Variants in PPARGC1A observed in about 807,000 individuals in gnomAD.
PPARGC1A encodes the protein peroxisome proliferator-activated receptor gamma coactivator 1-alpha.
PPARGC1A carries 25 observed loss-of-function variants against 88.7 expected under a neutral mutation model. The ratio of observed to expected loss-of-function variants is 0.28; its 90% CI spans 0.21 to 0.39. The LOEUF (loss-of-function observed/expected upper bound fraction) is 0.39, where lower values mean the gene tolerates loss of function less well. Among genes scored for constraint, PPARGC1A ranks in the 10% least tolerant of loss-of-function variants. PPARGC1A has a pLI of 1.00. For synonymous variants in PPARGC1A, 363 were observed against 355.6 expected (o/e 1.02, Z -0.24); for missense variants, 880 against 968.7 (o/e 0.91, Z 1.22).
upstream of PPARGC1A, among the ~76,000 whole-genome samples, chr4:23,894,639 G>A (rs146052265): frequency 6.6e-5 from 10 of 152,042 alleles, no homozygotes; most frequent in East Asian, 1.9e-4. Context: ...TCTGCAGACC[G>A]GCTCTATGGA....
chr4:24,001,643 T>C, the PPARGC1A span, among the ~76,000 whole-genome samples: 1 of 152,224 alleles, frequency 6.6e-6, no homozygotes, highest in African/African-American at 2.4e-5. Context: ...GATTTTTTTT[T>C]CCTACATCTT....
At chr4:24,237,430 C>T in the PPARGC1A span, among the ~76,000 whole-genome samples, 27 of 152,172 alleles carry the variant, frequency 1.8e-4, no homozygotes, top group Non-Finnish European at 3.4e-4. Flanking sequence ...GCTGTTATCT[C>T]TGCCCAACCA....
the PPARGC1A span, among the ~76,000 whole-genome samples, chr4:24,249,560 C>A: frequency 1.3e-5 from 2 of 152,154 alleles, no homozygotes; most frequent in Admixed American, 1.3e-4. Context: ...TCTCTGTTTA[C>A]AGTCAGAGAA....
the PPARGC1A span, among the ~76,000 whole-genome samples, chr4:24,325,202 C>T: frequency 6.6e-6 from 1 of 152,136 alleles, no homozygotes; most frequent in Admixed American, 6.5e-5. Context: ...AGCCCTAGAC[C>T]CTAAAAGGTC....
At chr4:24,086,580 G>A in the PPARGC1A span, among the ~76,000 whole-genome samples, 4 of 152,170 alleles carry the variant, frequency 2.6e-5, no homozygotes, top group African/African-American at 7.2e-5. Flanking sequence ...GGAGCATTTT[G>A]TGGTTGTCCT....
At chr4:24,104,543 C>G in the PPARGC1A span, among the ~76,000 whole-genome samples, 1 of 152,138 alleles carries the variant, frequency 6.6e-6, no homozygotes, top group Non-Finnish European at 1.5e-5. Flanking sequence ...ATGGACCGTC[C>G]TTGTTAGAGT....
chr4:24,446,591 A>AT, the PPARGC1A span, among the ~76,000 whole-genome samples: 2,623 of 134,868 alleles, frequency 0.019, 84 homozygotes, highest in East Asian at 0.12. Context: ...AAAACACTGA[A>AT]TTTTTTTTTT....
At chr4:24,236,431 T>C in the PPARGC1A span, among the ~76,000 whole-genome samples, 499 of 152,316 alleles carry the variant, frequency 3.3e-3, no homozygotes, top group African/African-American at 0.011. Flanking sequence ...TACCTTAAGA[T>C]GTGCATGGAA....
At chr4:24,163,101 CTTTAT>C in the PPARGC1A span, among the ~76,000 whole-genome samples, 22 of 150,556 alleles carry the variant, frequency 1.5e-4, 1 homozygote, top group African/African-American at 4.7e-4. Context: ...ATACAATAGT[CTTTAT>C]TTATTTCTCA....
chr4:24,354,891 CA>C, the PPARGC1A span, among the ~76,000 whole-genome samples: 1 of 118,810 alleles, frequency 8.4e-6, no homozygotes, highest in East Asian at 2.2e-4. Context: ...TCAAAAAAAA[CA>C]AAAACAAACA....
chr4:24,301,061 C>T, the PPARGC1A span, among the ~76,000 whole-genome samples: 1 of 151,988 alleles, frequency 6.6e-6, no homozygotes, highest in African/African-American at 2.4e-5. Context: ...AAAAAAAATC[C>T]CTAATTTGTT....
intron 12 of PPARGC1A, among the ~76,000 whole-genome samples, chr4:23,796,490 T>C (rs1366782342): frequency 6.6e-6 from 1 of 152,108 alleles, no homozygotes; most frequent in African/African-American, 2.4e-5. Flanking sequence ...TTGAGAGAAA[T>C]GCTTCACATC....
chr4:23,979,082 A>G, the PPARGC1A span, among the ~76,000 whole-genome samples: 1 of 152,334 alleles, frequency 6.6e-6, no homozygotes, highest in African/African-American at 2.4e-5. Flanking sequence ...CATTGCATTC[A>G]AAGGATAATT....
At chr4:23,916,119 A>C in the PPARGC1A span, among the ~76,000 whole-genome samples, 48,231 of 152,180 alleles carry the variant, frequency 0.32, 9,946 homozygotes, top group Non-Finnish European at 0.46. Context: ...AAATGAGTTT[A>C]TGTAAGTAAA....
the PPARGC1A span, among the ~76,000 whole-genome samples, chr4:23,970,644 C>T: frequency 1.4e-4 from 21 of 152,076 alleles, no homozygotes; most frequent in East Asian, 3.9e-4. Context: ...TGGAGTCATG[C>T]GCTATGTTCT....
chr4:24,103,022 T>C, the PPARGC1A span, among the ~76,000 whole-genome samples: 1 of 152,176 alleles, frequency 6.6e-6, no homozygotes, highest in Non-Finnish European at 1.5e-5. Context: ...GAAATTGCCC[T>C]GGCCTCACTG....
the PPARGC1A span, among the ~76,000 whole-genome samples, chr4:24,251,517 C>T: frequency 6.6e-6 from 1 of 152,196 alleles, no homozygotes; most frequent in African/African-American, 2.4e-5. Context: ...AATAAACACA[C>T]TGTTATCCCA....
At chr4:24,233,359 T>TTCTCTC in the PPARGC1A span, among the ~76,000 whole-genome samples, 2 of 150,728 alleles carry the variant, frequency 1.3e-5, no homozygotes, top group African/African-American at 4.9e-5. Context: ...CTCTCTGTCT[T>TTCTCTC]TCTCTCTCTC....
chr4:24,207,011 C>T, the PPARGC1A span, among the ~76,000 whole-genome samples: 2 of 151,842 alleles, frequency 1.3e-5, no homozygotes, highest in East Asian at 3.9e-4. Context: ...TGTTTACTTC[C>T]TTTGAATCAC....
Sources: allele counts gnomAD v4.1 joint callset (sites outside exome capture counted in the v4.1 genomes callset), GRCh38; gene constraint gnomAD v4.1.1; transcripts MANE v1.5; gene names NCBI Gene and HGNC (gene_info 2026-07-23, HGNC 2026-07-21).